The following TRPM3 variants were observed in gnomAD, a reference collection of about 807,000 sequenced individuals.
TRPM3 encodes transient receptor potential cation channel subfamily M member 3.
In TRPM3, 77 loss-of-function variants were observed where a neutral mutation model predicts 181.2. That is an observed-to-expected ratio of 0.42 (90% CI 0.35 to 0.51). The LOEUF (loss-of-function observed/expected upper bound fraction) is 0.51, where lower values mean the gene tolerates loss of function less well. TRPM3 is among the 20% of genes least tolerant of loss of function. TRPM3 has a pLI of 0.01. For synonymous variants in TRPM3, 745 were observed against 796.4 expected (o/e 0.94, Z 1.09); for missense variants, 1,759 against 2,196.7 (o/e 0.80, Z 3.98).
In TRPM3 at chr9:71,121,374, C is replaced by T. The variant is rs1004605438; in HGVS notation, c.-20G>A. The T allele has an allele frequency of 4.3e-6, 7 of 1,611,470 alleles. No individual in the cohort carries two copies. Among genetic ancestry groups the T allele is most frequent in the African/African-American group, 1.3e-5 (1 of 74,898 alleles). ...TGGCATCCCATGGTCATCTCCACAC[C>T]TGCAAATTCCATTAGGGCAGAGGCT... On this transcript the variant is annotated 5_prime_UTR_variant, in exon 1 of 26. Transcript: ENST00000677713.
intron 8 of TRPM3, among the ~76,000 whole-genome samples, chr9:70,738,683 T>C (rs537232806): frequency 2.6e-5 from 4 of 152,042 alleles, no homozygotes; most frequent in Admixed American, 2.6e-4. Flanking sequence ...GAAAGATCAA[T>C]GAAACAAAAA....
At chr9:70,861,816 C>G (rs1589332123) in intron 3 of TRPM3, among the ~76,000 whole-genome samples, 1 of 151,670 alleles carries the variant, frequency 6.6e-6, no homozygotes, top group East Asian at 2.0e-4. Flanking sequence ...GCACATTTTT[C>G]TTTCTAAAAT....
rs77765756 is a variant in TRPM3, at chr9:71,011,238, G to A, written c.177+109940C>T. ...TTTCTGGTGTTCTATTACACAGTAG[G>A]GTAACTATAGCAAATAACAATGTAT... On this transcript the variant is annotated intron_variant, in intron 1 of 25. Coordinates refer to ENST00000677713, the MANE Select transcript of TRPM3 (RefSeq NM_001366145.2). 1.8e-4 allele frequency among the ~76,000 whole-genome samples: 27 copies of A among 152,080 alleles called. 1 individual carries two copies. In the East Asian group the frequency reaches 5.2e-3, roughly 29 times the overall value.
chr9:70,550,664 T>C (rs1315162869), intron 24 of TRPM3, among the ~76,000 whole-genome samples: 2 of 152,204 alleles, frequency 1.3e-5, no homozygotes, highest in Admixed American at 6.5e-5. Flanking sequence ...TCTAATCCCA[T>C]GCCCTCGAGA....
rs148982956 is a variant in TRPM3, at chr9:71,065,980, C to G, written c.177+55198G>C. On this transcript the variant is annotated intron_variant, in intron 1 of 25. Coordinates refer to ENST00000677713, the MANE Select transcript of TRPM3 (RefSeq NM_001366145.2). ...AGACATAAAACTGAACCAGCACAGC[C>G]ATCTGGGACTTAAGTGTAGGGGAAA... 7.4e-3 allele frequency among the ~76,000 whole-genome samples: 1,124 copies of G among 152,186 alleles called. 11 individuals carry two copies. The highest frequency in any genetic ancestry group is 0.021 in the Admixed American group (314 of 15,272).
At chr9:70,875,227 T>G (rs957941386) in intron 1 of TRPM3, among the ~76,000 whole-genome samples, 1 of 151,948 alleles carries the variant, frequency 6.6e-6, no homozygotes, top group Non-Finnish European at 1.5e-5. Context: ...TTAATTTTGG[T>G]GATCTTCAAG....
intron 1 of TRPM3, among the ~76,000 whole-genome samples, chr9:71,161,339 T>C (rs1456829448): frequency 6.6e-6 from 1 of 152,102 alleles, no homozygotes; most frequent in Non-Finnish European, 1.5e-5. Context: ...CCATGGACCC[T>C]AGAAGGTCAA....
chr9:70,611,484 G>A (rs1287340887), intron 18 of TRPM3, among the ~76,000 whole-genome samples: 1 of 152,092 alleles, frequency 6.6e-6, no homozygotes, highest in Non-Finnish European at 1.5e-5. Flanking sequence ...TATAAGACAT[G>A]CCTTGCTTCC....
intron 1 of TRPM3, among the ~76,000 whole-genome samples, chr9:71,227,961 C>A (rs1001119630): frequency 6.6e-6 from 1 of 151,946 alleles, no homozygotes. Flanking sequence ...AAAAGTGGAG[C>A]AAATATTTTC....
At chr9:70,781,481 T>C (rs909838364) in intron 7 of TRPM3, among the ~76,000 whole-genome samples, 1 of 152,062 alleles carries the variant, frequency 6.6e-6, no homozygotes, top group African/African-American at 2.4e-5. Flanking sequence ...TGCATTGCTT[T>C]TGATTTCTTT....
intron 8 of TRPM3, among the ~76,000 whole-genome samples, chr9:70,686,102 A>G (rs2066682925): frequency 6.6e-6 from 1 of 151,340 alleles, no homozygotes; most frequent in African/African-American, 2.4e-5. Context: ...TATGTAATAT[A>G]TACACATGTG....
At chr9:71,420,986 A>G (rs1487363762) in intron 1 of TRPM3, among the ~76,000 whole-genome samples, 2 of 99,020 alleles carry the variant, frequency 2.0e-5, no homozygotes, top group South Asian at 6.5e-4. Flanking sequence ...AGAGAGAGAA[A>G]AAGAGAGAGA....
At chr9:70,793,639 A>T (rs756018715) in intron 6 of TRPM3, 31 of 470,578 alleles carry the variant, frequency 6.6e-5, no homozygotes, top group African/African-American at 5.6e-4. Flanking sequence ...GCTCTAAGGC[A>T]GTCTTCACCT....
chr9:71,148,037 T>A (rs11142701), intron 1 of TRPM3, among the ~76,000 whole-genome samples: 16,164 of 151,956 alleles, frequency 0.11, 1,048 homozygotes, highest in Non-Finnish European at 0.15. Context: ...CTCTATCTAG[T>A]TTGGCACTTA....
chr9:71,267,411 C>G (rs981454822), intron 1 of TRPM3, among the ~76,000 whole-genome samples: 2 of 152,120 alleles, frequency 1.3e-5, no homozygotes, highest in Non-Finnish European at 2.9e-5. Flanking sequence ...AAGTGGCTGC[C>G]CATAGGGAGC....
intron 1 of TRPM3, among the ~76,000 whole-genome samples, chr9:71,209,397 A>G (rs1440645332): frequency 6.5e-5 from 4 of 61,590 alleles, no homozygotes; most frequent in Admixed American, 1.8e-4. Flanking sequence ...GGAGAGGGGG[A>G]AGGAGGGAGG....
intron 1 of TRPM3, among the ~76,000 whole-genome samples, chr9:70,935,427 T>C (rs946735550): frequency 6.6e-6 from 1 of 152,210 alleles, no homozygotes; most frequent in Non-Finnish European, 1.5e-5. Context: ...CTTGGGGATA[T>C]TGTAAATAAC....
intron 17 of TRPM3, among the ~76,000 whole-genome samples, chr9:70,618,204 T>C (rs1034068168): frequency 3.9e-5 from 6 of 152,218 alleles, no homozygotes; most frequent in Non-Finnish European, 8.8e-5. Context: ...AACATCTCTT[T>C]CACAGTCCAT....
At chr9:71,091,958 A>G (rs1247344827) in intron 1 of TRPM3, among the ~76,000 whole-genome samples, 1 of 152,110 alleles carries the variant, frequency 6.6e-6, no homozygotes, top group East Asian at 1.9e-4. Context: ...ACAAGCATGT[A>G]TTATTTATAT....
Sources: gnomAD v4.1 joint callset for allele counts (sites outside exome capture counted in the v4.1 genomes callset) on GRCh38, gnomAD v4.1.1 for gene constraint, MANE v1.5 for transcripts, NCBI Gene and HGNC (gene_info 2026-07-23, HGNC 2026-07-21) for gene names.